HERC4: variants seen among roughly 807,000 people sequenced by gnomAD.
The protein encoded by HERC4 is HECT and RLD domain containing E3 ubiquitin protein ligase 4.
HERC4 carries 28 observed loss-of-function variants against 124.3 expected under a neutral mutation model. The ratio of observed to expected loss-of-function variants is 0.23; its 90% CI spans 0.17 to 0.31. The LOEUF is 0.31. Ranked by LOEUF, HERC4 falls within the 10% of genes least tolerant of loss-of-function variation. The pLI, the probability that HERC4 is intolerant of heterozygous loss-of-function variation, is 1.00. For synonymous variants in HERC4, 407 were observed against 421.5 expected, an observed-to-expected ratio of 0.97 and a Z score of 0.42; for missense variants, 713 against 1,229.3, an observed-to-expected ratio of 0.58 and a Z score of 6.28.
chr10:67,970,311 G>A (rs2132492494), intron 15 of HERC4, among the ~76,000 whole-genome samples: 1 of 152,258 alleles, frequency 6.6e-6, no homozygotes, highest in Non-Finnish European at 1.5e-5. Flanking sequence ...AACTGAACAG[G>A]CTGGGCATGG....
At chr10:68,059,760 TATC>T (rs1473577495) in intron 3 of HERC4, among the ~76,000 whole-genome samples, 1 of 90,832 alleles carries the variant, frequency 1.1e-5, no homozygotes, top group Non-Finnish European at 1.8e-5. Context: ...TAATATTATA[TATC>T]ATAATATTAT....
chr10:68,017,645 C>A (rs1055223535), intron 8 of HERC4, among the ~76,000 whole-genome samples: 6 of 152,100 alleles, frequency 3.9e-5, no homozygotes, highest in Non-Finnish European at 5.9e-5. Context: ...TGCCACCACA[C>A]CTAGCTAATT....
chr10:68,062,169 C>T (rs930191929), intron 3 of HERC4, among the ~76,000 whole-genome samples: 31 of 152,060 alleles, frequency 2.0e-4, no homozygotes, highest in African/African-American at 7.0e-4. Context: ...ATCTTTCTCC[C>T]CACTTACAAT....
chr10:67,952,359 C>A (rs1322448824), intron 19 of HERC4, among the ~76,000 whole-genome samples: 3 of 152,078 alleles, frequency 2.0e-5, no homozygotes, highest in African/African-American at 7.2e-5. Context: ...CCTTGGCTCA[C>A]TGCAACCTCC....
chr10:67,961,106 T>G (rs2034486697), intron 16 of HERC4: 1 of 179,366 alleles, frequency 5.6e-6, no homozygotes, highest in Non-Finnish European at 1.2e-5. Context: ...GACATTAACA[T>G]GAGCTTCTTT....
chr10:67,933,153 C>G (rs968410231), intron 22 of HERC4, among the ~76,000 whole-genome samples: 1 of 152,024 alleles, frequency 6.6e-6, no homozygotes, highest in Non-Finnish European at 1.5e-5. Flanking sequence ...CTGTTACAAA[C>G]AATAGGTGAC....
chr10:68,020,348 C>T (rs959735932), intron 8 of HERC4, among the ~76,000 whole-genome samples: 5 of 151,734 alleles, frequency 3.3e-5, no homozygotes, highest in African/African-American at 9.7e-5. Context: ...GGTCAAATGG[C>T]AGACCTAAAA....
chr10:68,060,145 G>C (rs1029000998), intron 3 of HERC4, among the ~76,000 whole-genome samples: 9 of 150,924 alleles, frequency 6.0e-5, no homozygotes, highest in African/African-American at 2.2e-4. Context: ...AAAGGATTCA[G>C]CACAGTACCT....
At chr10:67,972,333 C>T (rs2132516968) in intron 15 of HERC4, among the ~76,000 whole-genome samples, 1 of 150,790 alleles carries the variant, frequency 6.6e-6, no homozygotes, top group East Asian at 2.0e-4. Flanking sequence ...ACCAGCCTGA[C>T]CAACATGGAG....
chr10:68,052,772 G>A (rs911927476), intron 3 of HERC4, among the ~76,000 whole-genome samples: 2 of 152,084 alleles, frequency 1.3e-5, no homozygotes, highest in African/African-American at 4.8e-5. Context: ...ATAAAGTGCT[G>A]CTCTCTCTGA....
chr10:67,998,379 C>T (rs2037019535), intron 9 of HERC4, among the ~76,000 whole-genome samples: 2 of 151,608 alleles, frequency 1.3e-5, no homozygotes, highest in Non-Finnish European at 1.5e-5. Context: ...GAAACCCCAT[C>T]TCTACTAAAA....
intron 15 of HERC4, among the ~76,000 whole-genome samples, chr10:67,971,699 G>T (rs1005158393): frequency 1.7e-5 from 2 of 119,864 alleles, no homozygotes; most frequent in African/African-American, 6.6e-5. Flanking sequence ...TTACTATTAA[G>T]ATATTGAATG....
At chr10:68,047,934 T>G (rs1001886280) in intron 3 of HERC4, among the ~76,000 whole-genome samples, 14 of 152,066 alleles carry the variant, frequency 9.2e-5, no homozygotes, top group African/African-American at 3.4e-4. Flanking sequence ...TTTTTGTTTT[T>G]TTTTTTGTGA....
At chr10:67,948,330 A>G (rs1159299015) in intron 19 of HERC4, among the ~76,000 whole-genome samples, 1 of 152,162 alleles carries the variant, frequency 6.6e-6, no homozygotes, top group Non-Finnish European at 1.5e-5. Context: ...TTCAGCAAGA[A>G]AAAAACAATC....
intron 16 of HERC4, chr10:67,961,280 A>G (rs146471704): frequency 0.012 from 1,818 of 156,208 alleles, 17 homozygotes; most frequent in Non-Finnish European, 0.019. Flanking sequence ...TCAAATATAC[A>G]CAACACTTGA....
At chr10:68,020,422 A>G (rs2038540148) in intron 8 of HERC4, among the ~76,000 whole-genome samples, 2 of 151,506 alleles carry the variant, frequency 1.3e-5, no homozygotes, top group Non-Finnish European at 2.9e-5. Context: ...TGTAAAAAGA[A>G]AAAAAAAATG....
intron 11 of HERC4, among the ~76,000 whole-genome samples, chr10:67,991,647 C>A (rs1179193246): frequency 6.6e-6 from 1 of 151,860 alleles, no homozygotes; most frequent in Non-Finnish European, 1.5e-5. Context: ...ATCCCAAATA[C>A]CAACAAAAAA....
At chr10:68,074,110 C>A (rs890992168) in intron 1 of HERC4, 1 of 152,090 alleles carries the variant, frequency 6.6e-6, no homozygotes, top group Non-Finnish European at 1.5e-5. Context: ...AGTCTGATGG[C>A]GAAATCTGTA....
At chr10:68,029,869 C>T (rs925112158) in intron 7 of HERC4, among the ~76,000 whole-genome samples, 41 of 150,816 alleles carry the variant, frequency 2.7e-4, no homozygotes, top group African/African-American at 1.0e-3. Context: ...CTCCCGACTA[C>T]CTGGGATTAC....
Sources: allele counts gnomAD v4.1 joint callset (sites outside exome capture counted in the v4.1 genomes callset), GRCh38; gene constraint gnomAD v4.1.1; transcripts MANE v1.5; gene names NCBI Gene and HGNC (gene_info 2026-07-23, HGNC 2026-07-21).